Variants in ANK2 observed in about 807,000 individuals in gnomAD.
ANK2 encodes the protein ankyrin 2, also known as ankyrin-2.
A neutral mutation model predicts 360.5 loss-of-function variants in ANK2; 83 were observed. The ratio of observed to expected loss-of-function variants is 0.23; its 90% CI spans 0.19 to 0.28. ANK2 has a LOEUF of 0.28. Ranked by LOEUF, ANK2 falls within the 10% of genes least tolerant of loss-of-function variation. The pLI is 1.00. For synonymous variants in ANK2, 1,740 were observed against 1,759.5 expected (o/e 0.99, Z 0.28); for missense variants, 4,201 against 4,795.7 (o/e 0.88, Z 3.66).
chr4:112,860,772 G>T (rs190863317), intron 1 of ANK2, among the ~76,000 whole-genome samples: 283 of 148,918 alleles, frequency 1.9e-3, no homozygotes, highest in African/African-American at 6.6e-3. Context: ...TTTTTTTTTT[G>T]GTTGTAAGTC....
intron 1 of ANK2, chr4:113,117,468 C>T: frequency 2.2e-6 from 1 of 451,876 alleles, no homozygotes; most frequent in South Asian, 1.6e-5. Context: ...CTGTGTAGCA[C>T]CATCAGCCTC....
At chr4:112,931,754 C>A (rs1004406492) in intron 2 of ANK2, among the ~76,000 whole-genome samples, 2 of 152,154 alleles carry the variant, frequency 1.3e-5, no homozygotes, top group Non-Finnish European at 1.5e-5. Context: ...TGTGATAACT[C>A]TTTCAAACAG....
chr4:112,811,891 C>G, the ANK2 span, among the ~76,000 whole-genome samples: 2 of 151,908 alleles, frequency 1.3e-5, no homozygotes, highest in African/African-American at 4.8e-5. Context: ...CTGGCTAACA[C>G]GGTGAAACCC....
chr4:112,750,500 C>T, the ANK2 span, among the ~76,000 whole-genome samples: 1 of 151,954 alleles, frequency 6.6e-6, no homozygotes, highest in Admixed American at 6.6e-5. Context: ...ACATGCTGTA[C>T]AGTTTGTAGC....
chr4:112,915,391 C>A (rs1327551682), intron 2 of ANK2, among the ~76,000 whole-genome samples: 1 of 151,988 alleles, frequency 6.6e-6, no homozygotes, highest in Non-Finnish European at 1.5e-5. Flanking sequence ...AGGATAAGTT[C>A]CAAAGAAAAA....
At chr4:112,776,220 G>A in the ANK2 span, among the ~76,000 whole-genome samples, 1 of 152,176 alleles carries the variant, frequency 6.6e-6, no homozygotes, top group East Asian at 1.9e-4. Context: ...CAAAAGATTA[G>A]CAAGAGAAAA....
chr4:113,218,165 C>T (rs972402043), intron 4 of ANK2, among the ~76,000 whole-genome samples: 7 of 152,116 alleles, frequency 4.6e-5, no homozygotes, highest in Admixed American at 2.0e-4. Flanking sequence ...AATGCTCTAA[C>T]CTTTACTGGT....
intron 1 of ANK2, among the ~76,000 whole-genome samples, chr4:113,132,289 G>A (rs545538175): frequency 3.0e-4 from 46 of 152,004 alleles, no homozygotes; most frequent in African/African-American, 2.7e-4. Context: ...ATGCATTTCC[G>A]TTTTTATATG....
chr4:113,348,406 G>C (rs2154000222), intron 36 of ANK2, 98 bp downstream of exon 36: 1 of 1,300,374 alleles, frequency 7.7e-7, no homozygotes, highest in Middle Eastern at 1.8e-4. Context: ...GGGGTAGGCG[G>C]TTCTTCTTAG....
intron 2 of ANK2, among the ~76,000 whole-genome samples, chr4:113,178,554 AGAGT>A (rs1436596504): frequency 6.7e-6 from 1 of 148,836 alleles, no homozygotes; most frequent in Non-Finnish European, 1.5e-5. Flanking sequence ...CCTGCGCGAT[AGAGT>A]GAGACTCCAT....
chr4:113,007,935 G>A (rs1481029360), intron 2 of ANK2, among the ~76,000 whole-genome samples: 1 of 152,054 alleles, frequency 6.6e-6, no homozygotes, highest in Non-Finnish European at 1.5e-5. Context: ...TGATTACTGT[G>A]TAACTCCAAA....
intron 1 of ANK2, among the ~76,000 whole-genome samples, chr4:112,827,916 C>A (rs1371445514): frequency 6.6e-6 from 1 of 152,076 alleles, no homozygotes; most frequent in East Asian, 1.9e-4. Context: ...CAAAGCAATC[C>A]TAAGCAAAAA....
chr4:113,287,554 C>A, intron 18 of ANK2, 51 bp from the exon 19 acceptor site: 1 of 1,268,874 alleles, frequency 7.9e-7, no homozygotes, highest in Non-Finnish European at 1.2e-6. Flanking sequence ...ATAGATGATG[C>A]AATGTATTTT....
Position 113,353,626 on chromosome 4 carries a change from G to C in ANK2, c.5008G>C (p.Ala1670Pro). The C allele has an allele frequency of 1.2e-6, 2 of 1,614,070 alleles. No individual in the cohort carries two copies. The highest frequency in any genetic ancestry group is 1.3e-5 in the African/African-American group (1 of 75,026). The stretch of plus-strand genomic sequence containing the variant: ...GGCAGGGAAGAAATGTGAGGCTCTG[G>C]CTGTTGGCAGGAGCTCTGAAAAGGA... ...DKAGKKCEALAVGRSSEKEGK... is the reference protein window; with the variant it reads ...DKAGKKCEALPVGRSSEKEGK... The change falls in exon 38 of 46, where the codon GCT becomes CCT. Residue 1670 changes from alanine (A) to proline (P), a missense_variant. Physicochemically the swap from Ala to Pro is conservative, Grantham distance 27. Transcript: ENST00000357077.
chr4:112,824,220 C>T (rs1298569871), intron 1 of ANK2, among the ~76,000 whole-genome samples: 1 of 151,938 alleles, frequency 6.6e-6, no homozygotes, highest in Non-Finnish European at 1.5e-5. Flanking sequence ...TGTTCTGTCA[C>T]CCAGGCTGGA....
intron 1 of ANK2, among the ~76,000 whole-genome samples, chr4:112,876,562 CT>C (rs1347237619): frequency 6.6e-6 from 1 of 151,966 alleles, no homozygotes; most frequent in Admixed American, 6.6e-5. Context: ...TCCTCTGACC[CT>C]ACAGGAAAGT....
At chr4:112,861,289 T>A (rs2067934926) in intron 1 of ANK2, among the ~76,000 whole-genome samples, 1 of 152,212 alleles carries the variant, frequency 6.6e-6, no homozygotes, top group South Asian at 2.1e-4. Flanking sequence ...TGAAATTGCT[T>A]ATGGGCTACT....
intron 2 of ANK2, among the ~76,000 whole-genome samples, chr4:112,982,299 T>C (rs1467704494): frequency 6.6e-6 from 1 of 152,206 alleles, no homozygotes; most frequent in South Asian, 2.1e-4. Context: ...TTTTGAGACA[T>C]GCCTATCATC....
chr4:113,305,353 A>T (rs1436285710), intron 23 of ANK2, among the ~76,000 whole-genome samples: 3 of 151,342 alleles, frequency 2.0e-5, no homozygotes, highest in Non-Finnish European at 4.4e-5. Context: ...AAAAAAAAAA[A>T]AAAAAATAGC....
Sources: gnomAD v4.1 joint callset for allele counts (sites outside exome capture counted in the v4.1 genomes callset) on GRCh38, gnomAD v4.1.1 for gene constraint, MANE v1.5 for transcripts, NCBI Gene and HGNC (gene_info 2026-07-23, HGNC 2026-07-21) for gene names.